TRIM36: variants seen among roughly 807,000 people sequenced by gnomAD.
TRIM36 encodes E3 ubiquitin-protein ligase TRIM36.
Under a neutral mutation model 72.4 loss-of-function variants are expected in TRIM36, and 42 were observed. The observed-to-expected ratio is 0.58, with a 90% confidence interval of 0.45 to 0.75. TRIM36 has a LOEUF of 0.75. Among genes scored for constraint, TRIM36 ranks in the 30% least tolerant of loss-of-function variants. The pLI, the probability that TRIM36 is intolerant of heterozygous loss-of-function variation, is 0.00. For missense variants in TRIM36, 913 were observed against 857.1 expected, an observed-to-expected ratio of 1.07 and a Z score of -0.81; for synonymous variants, 315 against 282.8, an observed-to-expected ratio of 1.11 and a Z score of -1.14.
chr5:115,127,805 T>C (rs900425012), intron 9 of TRIM36, among the ~76,000 whole-genome samples: 23 of 152,182 alleles, frequency 1.5e-4, no homozygotes, highest in African/African-American at 5.5e-4. Flanking sequence ...TCCTTCTACT[T>C]ATTTAAAAAA....
In TRIM36 at chr5:115,153,196, C is replaced by T. The variant is rs1180294899; in HGVS notation, c.263-5802G>A. ...CTTAAGGTAAAGGGGTGGAAAAAGACATTTCATGTGAATGGACACCAAAAG... is the reference window on the plus strand; with the variant it reads ...CTTAAGGTAAAGGGGTGGAAAAAGATATTTCATGTGAATGGACACCAAAAG... On this transcript the variant is annotated intron_variant, in intron 2 of 9. Transcript: ENST00000513154. Among the ~76,000 whole-genome samples, 29 of 152,234 alleles carry T rather than the reference C, an allele frequency of 1.9e-4. 1 individual carries two copies. The highest frequency in any genetic ancestry group is 3.4e-3 in the Middle Eastern group (1 of 294).
At chr5:115,134,283 T>C (rs1752847567) in intron 7 of TRIM36, 136 bp from the exon 8 acceptor site, 4 of 544,240 alleles carry the variant, frequency 7.3e-6, no homozygotes, top group Admixed American at 4.5e-5. Context: ...TAATACTATA[T>C]ATAGAAAGCA....
rs1216603365 is a variant in TRIM36 at position 115,163,588 on chromosome 5, G to C, written c.192C>G (p.Ser64=). ...GCCGAAGTCGAGGACTGCTTTGATT[G>C]GAGTTGTCTGATCCCACATCGTTGA... is the stretch of plus-strand genomic sequence containing the variant. ...DSFNDVGSDN[S]NQSSPRLRLP... Residue 64 remains serine, a synonymous_variant, in exon 2 of 10, where the codon TCC becomes TCG. Transcript: ENST00000513154. The C allele has an allele frequency of 6.2e-6, 10 of 1,614,178 alleles. No individual in the cohort carries two copies. Among genetic ancestry groups the C allele is most frequent in the Non-Finnish European group, 8.5e-6 (10 of 1,180,028 alleles).
At chr5:115,144,812 T>C in intron 3 of TRIM36, 68 bp from the exon 4 acceptor site, 5 of 1,496,452 alleles carry the variant, frequency 3.3e-6, no homozygotes, top group Non-Finnish European at 3.6e-6. Context: ...ATTACCAAAA[T>C]ACAAAGATTT....
intron 3 of TRIM36, among the ~76,000 whole-genome samples, chr5:115,145,101 T>A (rs1459024281): frequency 6.6e-6 from 1 of 152,196 alleles, no homozygotes; most frequent in African/African-American, 2.4e-5. Flanking sequence ...AGAAAGGCCA[T>A]CTGACCACAC....
chr5:115,140,692 G>C (rs1261502369), intron 5 of TRIM36, among the ~76,000 whole-genome samples: 1 of 151,948 alleles, frequency 6.6e-6, no homozygotes, highest in Non-Finnish European at 1.5e-5. Context: ...CCTTCCTGTC[G>C]ACATTACTGC....
Position 115,124,910 on chromosome 5 carries a change from T to G in TRIM36, c.*1593A>C, listed in dbSNP as rs1752305596. The G allele has an allele frequency of 6.6e-6, 1 of 152,560 alleles. No homozygotes were observed. Among genetic ancestry groups the G allele is most frequent in the African/African-American group, 2.4e-5 (1 of 41,466 alleles). The allele number at this position is 152,560 out of a possible 1,614,324, so 9.5% of individuals were successfully genotyped here. A position where few individuals can be genotyped will look rare whatever the true frequency, so the allele number is the denominator to read the frequency against. ...TATGTGCTTGTACAAGGCTTGAGTA[T>G]CAACCACAAATGTGACTTTAGCAGC... On this transcript the variant is annotated 3_prime_UTR_variant, in exon 10 of 10. Transcript: ENST00000513154.
intron 4 of TRIM36, among the ~76,000 whole-genome samples, chr5:115,143,930 G>C (rs1164869142): frequency 1.3e-5 from 2 of 152,076 alleles, no homozygotes. Flanking sequence ...GAGTGCAGTG[G>C]CGCGATCTCA....
chr5:115,131,662 A>G (rs898747061), intron 8 of TRIM36, among the ~76,000 whole-genome samples: 1 of 152,232 alleles, frequency 6.6e-6, no homozygotes. Flanking sequence ...ACATGCTACA[A>G]CATGGATAAA....
chr5:115,177,728 C>A (rs1442010198), intron 1 of TRIM36: 2 of 1,613,962 alleles, frequency 1.2e-6, no homozygotes, highest in African/African-American at 2.7e-5. Context: ...CCAACCCCCA[C>A]AAAACAGAGA....
chr5:115,165,215 T>A (rs1431482932), intron 1 of TRIM36, among the ~76,000 whole-genome samples: 1 of 152,168 alleles, frequency 6.6e-6, no homozygotes, highest in African/African-American at 2.4e-5. Flanking sequence ...TCTACCATTC[T>A]GGGGTCTGGA....
intron 2 of TRIM36, among the ~76,000 whole-genome samples, chr5:115,161,111 C>T (rs1754459452): frequency 6.6e-6 from 1 of 151,900 alleles, no homozygotes; most frequent in African/African-American, 2.4e-5. Context: ...TTAACTTGAT[C>T]TGTGTGTGTT....
At chr5:115,139,572 G>C (rs1214809453) in intron 5 of TRIM36, among the ~76,000 whole-genome samples, 1 of 152,196 alleles carries the variant, frequency 6.6e-6, no homozygotes, top group East Asian at 1.9e-4. Context: ...AGAAGGAGCA[G>C]AAGGTAGTGA....
intron 2 of TRIM36, among the ~76,000 whole-genome samples, chr5:115,147,857 C>T (rs886255113): frequency 6.6e-5 from 10 of 152,046 alleles, no homozygotes; most frequent in African/African-American, 2.4e-4. Context: ...ATGAAGAGGC[C>T]CAGGCAGATC....
chr5:115,159,129 T>A (rs1399499339), intron 2 of TRIM36, among the ~76,000 whole-genome samples: 5 of 152,174 alleles, frequency 3.3e-5, no homozygotes, highest in African/African-American at 9.7e-5. Flanking sequence ...TACCCACAAG[T>A]GGGTAAGACC....
At chr5:115,176,801 G>C (rs548749312) in intron 1 of TRIM36, among the ~76,000 whole-genome samples, 2 of 152,260 alleles carry the variant, frequency 1.3e-5, no homozygotes, top group South Asian at 2.1e-4. Context: ...TTAATCCAAA[G>C]AGATTAGCTG....
chr5:115,145,275 C>A (rs1177067385), intron 3 of TRIM36, among the ~76,000 whole-genome samples: 2 of 152,170 alleles, frequency 1.3e-5, no homozygotes, highest in East Asian at 3.9e-4. Context: ...TACAAATGCA[C>A]TGACCAAATT....
intron 2 of TRIM36, chr5:115,148,474 T>G (rs1042495318): frequency 1.9e-6 from 1 of 529,838 alleles, no homozygotes; most frequent in African/African-American, 2.2e-5. Flanking sequence ...GGCTGGAGTG[T>G]GATCTCGGCT....
At chr5:115,173,218 C>A (rs1023861523), upstream of TRIM36, among the ~76,000 whole-genome samples, 1 of 152,144 alleles carries the variant, frequency 6.6e-6, no homozygotes, top group Non-Finnish European at 1.5e-5. Flanking sequence ...TGTTTGCTTG[C>A]TTTTTATCTT....
Sources: gnomAD v4.1 joint callset for allele counts (sites outside exome capture counted in the v4.1 genomes callset) on GRCh38, gnomAD v4.1.1 for gene constraint, MANE v1.5 for transcripts, NCBI Gene and HGNC (gene_info 2026-07-23, HGNC 2026-07-21) for gene names.